XRCC4: variants seen among roughly 807,000 people sequenced by gnomAD.
XRCC4 encodes X-ray repair cross complementing 4, also known as DNA repair protein XRCC4.
In XRCC4, 28 loss-of-function variants were observed where a neutral mutation model predicts 39.1. That is an observed-to-expected ratio of 0.72 (90% CI 0.53 to 0.98). XRCC4 has a LOEUF of 0.98. Ranked by LOEUF, XRCC4 falls within the 50% of genes least tolerant of loss-of-function variation. XRCC4 has a pLI of 0.00. For synonymous variants in XRCC4, 123 were observed against 126.4 expected, an observed-to-expected ratio of 0.97 and a Z score of 0.18; for missense variants, 350 against 376.4, an observed-to-expected ratio of 0.93 and a Z score of 0.58.
At chr5:83,235,797 G>A (rs1305339153) in intron 6 of XRCC4, among the ~76,000 whole-genome samples, 2 of 152,100 alleles carry the variant, frequency 1.3e-5, no homozygotes, top group Non-Finnish European at 2.9e-5. Context: ...TTGTTTGCAT[G>A]AGATATGATT....
At chr5:83,310,915 C>G (rs1252757170) in intron 7 of XRCC4, 20 of 448,844 alleles carry the variant, frequency 4.5e-5, no homozygotes, top group South Asian at 3.2e-4. Context: ...AACTGAAGCT[C>G]TAGGCAGTGG....
intron 7 of XRCC4, among the ~76,000 whole-genome samples, chr5:83,303,290 T>C (rs922645776): frequency 2.0e-5 from 3 of 151,700 alleles, no homozygotes; most frequent in African/African-American, 7.3e-5. Context: ...ATCTAAAGTA[T>C]ATTGTTGCCC....
chr5:83,126,322 GCATC>G (rs1311299890), intron 3 of XRCC4, among the ~76,000 whole-genome samples: 1 of 151,928 alleles, frequency 6.6e-6, no homozygotes. Flanking sequence ...CTCATTATGA[GCATC>G]TATTAATAGA....
rs533055340 is a variant in XRCC4 at position 83,200,343 on chromosome 5, G to T, written c.483-3209G>T. On this transcript the variant is annotated intron_variant, in intron 4 of 7. Transcript: ENST00000396027. ...GAAGTGTTGTCCAGTTTGATGATCAGAAGTTTGGTTGCAAAAAAATCCTAA... is the reference window on the plus strand; with the variant it reads ...GAAGTGTTGTCCAGTTTGATGATCATAAGTTTGGTTGCAAAAAAATCCTAA... Among the ~76,000 whole-genome samples, 35 of 152,220 alleles carry T rather than the reference G, an allele frequency of 2.3e-4. No individual in the cohort carries two copies. In the South Asian group the frequency reaches 5.2e-3, roughly 23 times the overall value.
At chr5:83,262,460 G>T (rs374353918) in intron 7 of XRCC4, among the ~76,000 whole-genome samples, 3 of 152,104 alleles carry the variant, frequency 2.0e-5, no homozygotes, top group African/African-American at 4.8e-5. Flanking sequence ...CACTTTTTTG[G>T]GGGGTGGGGA....
chr5:83,358,997 C>T, the XRCC4 span, among the ~76,000 whole-genome samples: 6 of 151,804 alleles, frequency 4.0e-5, no homozygotes, highest in East Asian at 1.9e-4. Context: ...AAAGTTTTCT[C>T]GGAACTGTAT....
At chr5:83,185,702 T>C (rs1750409414) in intron 3 of XRCC4, among the ~76,000 whole-genome samples, 1 of 152,004 alleles carries the variant, frequency 6.6e-6, no homozygotes, top group Non-Finnish European at 1.5e-5. Flanking sequence ...CTAATGAGAC[T>C]GAATAGCAAG....
At chr5:83,347,386 A>C (rs1756947806) in intron 7 of XRCC4, among the ~76,000 whole-genome samples, 1 of 152,222 alleles carries the variant, frequency 6.6e-6, no homozygotes, top group Non-Finnish European at 1.5e-5. Context: ...TAGGGTGTGC[A>C]GGCTTATGCT....
At chr5:83,196,009 T>A (rs1750930687) in intron 4 of XRCC4, 73 bp downstream of exon 4, 1 of 1,422,498 alleles carries the variant, frequency 7.0e-7, no homozygotes, top group African/African-American at 1.4e-5. Context: ...AAGTTAATGA[T>A]TGGTAAATTT....
intron 3 of XRCC4, among the ~76,000 whole-genome samples, chr5:83,174,801 C>T: frequency 6.6e-6 from 1 of 152,084 alleles, no homozygotes; most frequent in East Asian, 1.9e-4. Flanking sequence ...TTTAGTACTG[C>T]AATAGTTCAA....
At chr5:83,262,691 A>C (rs1019983378) in intron 7 of XRCC4, among the ~76,000 whole-genome samples, 12 of 152,078 alleles carry the variant, frequency 7.9e-5, no homozygotes, top group African/African-American at 1.2e-4. Flanking sequence ...TGTCTTTCAA[A>C]TATAAAAGAA....
chr5:83,206,982 A>C (rs1380334530), intron 6 of XRCC4, among the ~76,000 whole-genome samples: 1 of 152,186 alleles, frequency 6.6e-6, no homozygotes, highest in Non-Finnish European at 1.5e-5. Flanking sequence ...TTTGAATTGG[A>C]TTACACAATA....
intron 1 of XRCC4, among the ~76,000 whole-genome samples, chr5:83,078,665 A>T (rs1319851551): frequency 3.3e-5 from 5 of 152,256 alleles, no homozygotes; most frequent in Admixed American, 3.3e-4. Flanking sequence ...TGAGTCTGTT[A>T]TATTGAATTG....
intron 2 of XRCC4, among the ~76,000 whole-genome samples, chr5:83,105,404 G>A (rs1354586816): frequency 1.3e-5 from 2 of 152,160 alleles, no homozygotes; most frequent in Non-Finnish European, 2.9e-5. Flanking sequence ...AAGGAGATTG[G>A]TTAGGTAAAT....
intron 3 of XRCC4, among the ~76,000 whole-genome samples, chr5:83,118,591 T>G (rs1369304392): frequency 6.6e-6 from 1 of 152,230 alleles, no homozygotes; most frequent in Admixed American, 6.5e-5. Flanking sequence ...TAATATGTGC[T>G]TTTTCTTTAA....
chr5:83,182,704 G>A lies in XRCC4; in HGVS notation c.316-13066G>A, dbSNP rs558041916. 4.6e-5 allele frequency among the ~76,000 whole-genome samples: 7 copies of A among 152,264 alleles called. No homozygotes were observed. In the East Asian group the frequency reaches 1.2e-3, roughly 25 times the overall value. On this transcript the variant is annotated intron_variant, in intron 3 of 7. Coordinates refer to ENST00000396027, the MANE Select transcript of XRCC4 (RefSeq NM_003401.5). Reference sequence around the variant, plus strand: ...TTAAGAGGTGTGGCTCTTGGGAGGTGATTCGGTACTGAGGGCCAGGTCCTA... The same window carrying A: ...TTAAGAGGTGTGGCTCTTGGGAGGTAATTCGGTACTGAGGGCCAGGTCCTA...
chr5:83,301,048 C>T lies in XRCC4; in HGVS notation c.893+42371C>T, dbSNP rs369205885. 2.5e-4 allele frequency among the ~76,000 whole-genome samples: 38 copies of T among 152,080 alleles called. No homozygotes were observed. In the South Asian group the frequency reaches 6.0e-3, roughly 24 times the overall value. On this transcript the variant is annotated intron_variant, in intron 7 of 7. Coordinates refer to ENST00000396027, the MANE Select transcript of XRCC4 (RefSeq NM_003401.5). ...CAGTGCTGCAATAAACATATGTGTG[C>T]GTGTGTCTTTATAGTGGAATGATTT...
At chr5:83,268,296 A>C (rs1334525562) in intron 7 of XRCC4, among the ~76,000 whole-genome samples, 2 of 152,172 alleles carry the variant, frequency 1.3e-5, no homozygotes, top group Non-Finnish European at 2.9e-5. Context: ...TACCAAAATA[A>C]ATCATCTATC....
intron 3 of XRCC4, among the ~76,000 whole-genome samples, chr5:83,131,944 G>C (rs1184578623): frequency 3.3e-5 from 5 of 152,062 alleles, no homozygotes; most frequent in Admixed American, 6.6e-5. Flanking sequence ...TGGTTATTTT[G>C]CTCGTTAGTT....
Sources: gnomAD v4.1 joint callset for allele counts (sites outside exome capture counted in the v4.1 genomes callset) on GRCh38, gnomAD v4.1.1 for gene constraint, MANE v1.5 for transcripts, NCBI Gene and HGNC (gene_info 2026-07-23, HGNC 2026-07-21) for gene names.